TTC21B: variants seen among roughly 807,000 people sequenced by gnomAD.
The protein encoded by TTC21B is tetratricopeptide repeat domain 21B, also known as tetratricopeptide repeat protein 21B.
TTC21B carries 127 observed loss-of-function variants against 175.1 expected under a neutral mutation model. That is an observed-to-expected ratio of 0.73 (90% CI 0.63 to 0.84). TTC21B has a LOEUF of 0.84. TTC21B is among the 40% of genes least tolerant of loss of function. TTC21B has a pLI of 0.00. For missense variants in TTC21B, 1,561 were observed against 1,558.3 expected (o/e 1.00, Z -0.03); for synonymous variants, 524 against 524.5 (o/e 1.00, Z 0.01).
At chr2:165,949,138 C>A (rs779297939) in intron 3 of TTC21B, 7 of 469,280 alleles carry the variant, frequency 1.5e-5, no homozygotes, top group African/African-American at 5.9e-5. Context: ...AATATACATT[C>A]CCTTTTATCT....
chr2:165,922,525 G>T (rs1686449301), intron 12 of TTC21B, among the ~76,000 whole-genome samples: 2 of 140,662 alleles, frequency 1.4e-5, no homozygotes, highest in Non-Finnish European at 3.0e-5. Context: ...CTATAGTTAG[G>T]TACCACCTTA....
Position 165,911,460 on chromosome 2 carries a change from G to C in TTC21B, c.2328C>G (p.Ile776Met), listed in dbSNP as rs916756048. The C allele has an allele frequency of 2.5e-6, 4 of 1,613,542 alleles. No individual in the cohort carries two copies. The highest frequency in any genetic ancestry group is 1.3e-5 in the African/African-American group (1 of 74,866). Residue 776 changes from isoleucine (I) to methionine (M), a missense_variant, in exon 18 of 29, where the codon ATC becomes ATG. Coordinates refer to ENST00000243344, the MANE Select transcript of TTC21B (RefSeq NM_024753.5). ...TTTTCAGAGCAGCTTCATAGTAAGT[G>C]ATTGCCTAAACAAAATTCATTCCAT... ...LIKTHNYSMA[I>M]TYYEAALKTG... is the part of the protein sequence containing the mutation.
At chr2:165,938,956 AT>A in intron 6 of TTC21B, among the ~76,000 whole-genome samples, 1 of 152,296 alleles carries the variant, frequency 6.6e-6, no homozygotes, top group Admixed American at 6.5e-5. Context: ...GCTATTTTTA[AT>A]TTTTTATATG....
At chr2:165,899,437 T>C (rs889729453) in intron 21 of TTC21B, among the ~76,000 whole-genome samples, 1 of 152,168 alleles carries the variant, frequency 6.6e-6, no homozygotes, top group African/African-American at 2.4e-5. Flanking sequence ...CTTAAATTTG[T>C]CCAGCATTCC....
chr2:165,893,853 G>C (rs936426489), intron 22 of TTC21B, among the ~76,000 whole-genome samples: 1 of 152,046 alleles, frequency 6.6e-6, no homozygotes, highest in Non-Finnish European at 1.5e-5. Flanking sequence ...GAACAGTGTG[G>C]GGAGTGTTGG....
In TTC21B at chr2:165,924,528, AG is replaced by A. The variant is rs1559062651; in HGVS notation, c.1516+20del. 4.3e-6 allele frequency: 7 copies of A among 1,610,496 alleles called. No homozygotes were observed. In the Admixed American group the frequency reaches 6.7e-5, roughly 15 times the overall value. ...TCAACATCAGAATAAAAAGGTTAAA[AG>A]TTTTTAAGGTATACTCTACCTGACA... On this transcript the variant is annotated intron_variant, in intron 12 of 28. Coordinates refer to ENST00000243344, the MANE Select transcript of TTC21B (RefSeq NM_024753.5).
At chr2:165,906,009 T>C (rs1214473674) in intron 19 of TTC21B, among the ~76,000 whole-genome samples, 1 of 152,096 alleles carries the variant, frequency 6.6e-6, no homozygotes, top group Non-Finnish European at 1.5e-5. Flanking sequence ...AGAAGTGTAC[T>C]AGAAGTCAGT....
intron 11 of TTC21B, among the ~76,000 whole-genome samples, chr2:165,927,294 TTA>T (rs1269642540): frequency 1.2e-5 from 1 of 83,246 alleles, no homozygotes; most frequent in African/African-American, 5.3e-5. Flanking sequence ...ATCCTAGTAG[TTA>T]TATATATATA....
chr2:165,883,954 C>A lies in TTC21B; in HGVS notation c.3524G>T (p.Arg1175Leu), dbSNP rs987977269. Reference sequence around the variant, plus strand: ...AATACGCTTCAGCTGGTTTCTGGCTCGTGGAGTCTGTTTCAAGATCATATA... The same window carrying A: ...AATACGCTTCAGCTGGTTTCTGGCTAGTGGAGTCTGTTTCAAGATCATATA... Reference protein sequence around the residue: ...TAYMILKQTPRARNQLKRIAK... With the variant: ...TAYMILKQTPLARNQLKRIAK... Residue 1175 changes from arginine to leucine, a missense_variant, in exon 26 of 29, where the codon CGA becomes CTA. Coordinates refer to ENST00000243344, the MANE Select transcript of TTC21B (RefSeq NM_024753.5). 3 of 1,613,964 alleles carry A rather than the reference C, an allele frequency of 1.9e-6. No individual in the cohort carries two copies. In the African/African-American group the frequency reaches 4.0e-5, roughly 22 times the overall value.
chr2:165,949,625 A>G lies in TTC21B; in HGVS notation c.121T>C (p.Phe41Leu), dbSNP rs776138424. ...KRYGSDPVFR[F>L]YHAYGTLMEG... ...ATTAATGTGCCATAGGCATGATAAA[A>G]CCTGAAGACTGGATCACTTCCATAC... The change falls in exon 2 of 29, where the codon TTT becomes CTT. Residue 41 changes from phenylalanine to leucine, a missense_variant. Coordinates refer to ENST00000243344, the MANE Select transcript of TTC21B (RefSeq NM_024753.5). 2.5e-5 allele frequency: 41 copies of G among 1,613,616 alleles called. No homozygotes were observed. The highest frequency in any genetic ancestry group is 6.8e-6 in the Non-Finnish European group (8 of 1,179,890).
intron 16 of TTC21B, 29 bp from the exon 17 acceptor site, chr2:165,912,653 A>T: frequency 1.9e-6 from 3 of 1,557,618 alleles, no homozygotes; most frequent in Non-Finnish European, 2.7e-6. Context: ...AAAAATAAGC[A>T]ATAAAAAATA....
chr2:165,925,247 C>A (rs187239101), intron 11 of TTC21B, among the ~76,000 whole-genome samples: 1 of 152,198 alleles, frequency 6.6e-6, no homozygotes, highest in African/African-American at 2.4e-5. Flanking sequence ...ATGTTTTAGA[C>A]CCTCAAAGTT....
At chr2:165,910,841 C>T (rs1205206927) in intron 18 of TTC21B, among the ~76,000 whole-genome samples, 3 of 151,990 alleles carry the variant, frequency 2.0e-5, no homozygotes, top group Admixed American at 6.6e-5. Context: ...GTAACAGTTT[C>T]GCACAGGAAA....
chr2:165,921,194 T>C (rs1410969673), intron 12 of TTC21B, among the ~76,000 whole-genome samples: 2 of 152,096 alleles, frequency 1.3e-5, no homozygotes, highest in African/African-American at 4.8e-5. Flanking sequence ...GGTTGGTGCT[T>C]AGAGCCACAT....
chr2:165,926,612 T>C (rs1022048467), intron 11 of TTC21B, among the ~76,000 whole-genome samples: 2 of 152,114 alleles, frequency 1.3e-5, no homozygotes, highest in Non-Finnish European at 2.9e-5. Flanking sequence ...TACTGAAGGA[T>C]GCAAAGTCTT....
At chr2:165,897,596 G>A (rs1376717266) in intron 22 of TTC21B, among the ~76,000 whole-genome samples, 1 of 152,106 alleles carries the variant, frequency 6.6e-6, no homozygotes, top group East Asian at 1.9e-4. Context: ...AATGCAAAGA[G>A]GCAGAGGTGT....
intron 22 of TTC21B, among the ~76,000 whole-genome samples, chr2:165,892,698 G>T (rs1046572816): frequency 6.6e-6 from 1 of 152,140 alleles, no homozygotes; most frequent in Non-Finnish European, 1.5e-5. Flanking sequence ...AATGATGGTT[G>T]CCAGGGGCTC....
chr2:165,873,638 T>A lies in TTC21B; in HGVS notation c.*1117A>T, dbSNP rs189771746. The stretch of plus-strand genomic sequence containing the variant: ...CCCTTTACCATCAAATGTTACAGTG[T>A]CTGAAATTATACCTGCAGACCAAGT... On this transcript the variant is annotated 3_prime_UTR_variant, in exon 29 of 29. Coordinates refer to ENST00000243344, the MANE Select transcript of TTC21B (RefSeq NM_024753.5). The A allele has an allele frequency of 6.6e-6, 1 of 152,148 alleles. No individual in the cohort carries two copies. The highest frequency in any genetic ancestry group is 1.9e-4 in the East Asian group (1 of 5,180). 9.4% of individuals were successfully genotyped at this position (152,148 alleles called of 1,614,324 possible). A position where few individuals can be genotyped will look rare whatever the true frequency, so the allele number is the denominator to read the frequency against.
chr2:165,929,879 C>T (rs1686821908), intron 9 of TTC21B, 132 bp from the exon 10 acceptor site: 2 of 733,670 alleles, frequency 2.7e-6, no homozygotes, highest in African/African-American at 1.8e-5. Context: ...TTAAAAACAA[C>T]AGAAAGAAAG....
Sources: allele counts gnomAD v4.1 joint callset (sites outside exome capture counted in the v4.1 genomes callset), GRCh38; gene constraint gnomAD v4.1.1; transcripts MANE v1.5; gene names NCBI Gene and HGNC (gene_info 2026-07-23, HGNC 2026-07-21).